GINS4: variants seen among roughly 807,000 people sequenced by gnomAD.
GINS4 encodes the protein GINS complex subunit 4.
GINS4 carries 20 observed loss-of-function variants against 31.1 expected under a neutral mutation model. That is an observed-to-expected ratio of 0.64 (90% CI 0.45 to 0.93). The LOEUF (loss-of-function observed/expected upper bound fraction) is 0.93. GINS4 is among the 40% of genes least tolerant of loss of function. The pLI, the probability that GINS4 is intolerant of heterozygous loss-of-function variation, is 0.00. For synonymous variants in GINS4, 85 were observed against 97.9 expected (o/e 0.87, Z 0.78); for missense variants, 245 against 273.9 (o/e 0.89, Z 0.75).
rs1185996740 is a variant in GINS4 at position 41,537,559 on chromosome 8, A to C, written c.297+266A>C. The C allele has an allele frequency of 5.4e-5, 20 of 372,424 alleles. 1 individual carries two copies. The Admixed American group carries it at 8.5e-4, about 16-fold the overall frequency. The allele number at this position is 372,424 out of a possible 1,614,324, so 23.1% of individuals were successfully genotyped here. On this transcript the variant is annotated intron_variant, in intron 4 of 7. Transcript: ENST00000276533. ...AGTGAGTGGTTCCCCCTTGCGTTAC[A>C]GCATGGCAGTGCTAAAGGGAGAGTT...
At chr8:41,537,522 G>A (rs1806763199) in intron 4 of GINS4, 2 of 447,868 alleles carry the variant, frequency 4.5e-6, no homozygotes, top group African/African-American at 3.9e-5. Flanking sequence ...TTTTTAGTCT[G>A]TTCACCTGCC....
intron 4 of GINS4, among the ~76,000 whole-genome samples, chr8:41,538,951 G>A (rs1472049613): frequency 1.3e-5 from 2 of 151,606 alleles, no homozygotes; most frequent in Admixed American, 1.3e-4. Flanking sequence ...CACCCACCTT[G>A]GCCTCCCAAA....
At position 41,530,240 on chromosome 8, in the gene GINS4, A is replaced by G. The variant is rs1443874276; in HGVS notation, c.38A>G (p.Asp13Gly). Residue 13 changes from aspartate to glycine, a missense_variant, in exon 2 of 8, where the codon GAT becomes GGT. Physicochemically the swap from Asp to Gly is moderately conservative, Grantham distance 94 (BLOSUM62 -1). Coordinates refer to ENST00000276533, the MANE Select transcript of GINS4 (RefSeq NM_032336.3). Reference protein sequence around the residue: ...EEVDFLGQDSDGGSEEVVLTP... With the variant: ...EEVDFLGQDSGGGSEEVVLTP... ...GTGGATTTCCTGGGACAGGACTCTG[A>G]TGGGGGTAGTGAGGAAGTGGTCCTA... The G allele has an allele frequency of 6.2e-7, 1 of 1,614,050 alleles. No individual in the cohort carries two copies. The highest frequency in any genetic ancestry group is 1.7e-5 in the Admixed American group (1 of 60,006).
chr8:41,533,396 G>A (rs1017363077), intron 2 of GINS4, among the ~76,000 whole-genome samples: 1 of 152,208 alleles, frequency 6.6e-6, no homozygotes, highest in African/African-American at 2.4e-5. Context: ...CATCATCGGG[G>A]TCCTTGAAAG....
intron 4 of GINS4, chr8:41,537,561 C>T (rs1002479101): frequency 5.5e-6 from 2 of 366,270 alleles, no homozygotes; most frequent in South Asian, 4.4e-5. Flanking sequence ...TGCGTTACAG[C>T]ATGGCAGTGC....
At chr8:41,534,214 G>A (rs751702643) in intron 2 of GINS4, 2 of 408,174 alleles carry the variant, frequency 4.9e-6, no homozygotes, top group Non-Finnish European at 9.8e-6. Context: ...GACCACTGTA[G>A]GCAACATGGT....
Position 41,537,032 on chromosome 8 carries a change from A to G in GINS4, c.184-148A>G, listed in dbSNP as rs117317279. ...GGTCATTTTCTAAAAGTAAATGACT[A>G]TTGTTTGTACTTTATACAATGATAA... is the stretch of plus-strand genomic sequence containing the variant. On this transcript the variant is annotated intron_variant, in intron 3 of 7. Transcript: ENST00000276533. 1.7e-5 allele frequency: 10 copies of G among 600,772 alleles called. No individual in the cohort carries two copies. The East Asian group carries it at 2.6e-4, about 15-fold the overall frequency. 37.2% of individuals were successfully genotyped at this position (600,772 alleles called of 1,614,324 possible). A position where few individuals can be genotyped will look rare whatever the true frequency, so the allele number is the denominator to read the frequency against.
At position 41,539,698 on chromosome 8, in the gene GINS4, TGTCCTTGAGAAGGAAAAAACAC is replaced by T. The variant is rs1230422962; in HGVS notation, c.324_345del (p.Glu109ArgfsTer26). On this transcript the variant is annotated frameshift_variant, in exon 5 of 8. Transcript: ENST00000276533. LOFTEE classifies it high-confidence loss of function. ...CACAGATAGAGAAGTTTTTCCCTCA[TGTCCTTGAGAAGGAAAAAACAC>T]GTCCTGAGGGGGAGCCTTCCAGCCT... The T allele has an allele frequency of 6.2e-7, 1 of 1,613,430 alleles. No individual in the cohort carries two copies. The highest frequency in any genetic ancestry group is 1.3e-5 in the African/African-American group (1 of 74,910).
intron 2 of GINS4, among the ~76,000 whole-genome samples, chr8:41,533,817 C>T (rs535122723): frequency 3.9e-5 from 6 of 152,278 alleles, no homozygotes; most frequent in African/African-American, 1.4e-4. Context: ...AAAGTGCCAG[C>T]ATAGTTGTCT....
Position 41,541,800 on chromosome 8 carries a change from T to G in GINS4, c.485-9T>G. The stretch of plus-strand genomic sequence containing the variant: ...GGATTTCCTAATCACATTGTTGTTT[T>G]CCTGGCAGTTCCCAAACCAGATCTA... On this transcript the variant is annotated splice_polypyrimidine_tract_variant and intron_variant, in intron 6 of 7. Transcript: ENST00000276533. 6.2e-7 allele frequency: 1 copy of G among 1,611,214 alleles called. No individual in the cohort carries two copies. Among genetic ancestry groups the G allele is most frequent in the South Asian group, 1.1e-5 (1 of 90,910 alleles).
intron 6 of GINS4, among the ~76,000 whole-genome samples, 169 bp from the exon 7 acceptor site, chr8:41,541,640 T>G (rs1806842597): frequency 6.6e-6 from 1 of 152,162 alleles, no homozygotes; most frequent in African/African-American, 2.4e-5. Context: ...GCCCAATGCG[T>G]GTCCGGTTTC....
intron 2 of GINS4, among the ~76,000 whole-genome samples, chr8:41,532,400 A>G (rs1806661763): frequency 6.6e-6 from 1 of 151,074 alleles, no homozygotes; most frequent in Non-Finnish European, 1.5e-5. Context: ...TATGGCAAGA[A>G]TGTAGAGCAG....
chr8:41,540,388 G>T, intron 6 of GINS4: 1 of 254,826 alleles, frequency 3.9e-6, no homozygotes, highest in Non-Finnish European at 7.7e-6. Context: ...TTCGTCACAG[G>T]TCCCAGAATG....
intron 2 of GINS4, among the ~76,000 whole-genome samples, chr8:41,532,417 G>A (rs57062068): frequency 0.013 from 1,894 of 151,136 alleles, 39 homozygotes; most frequent in African/African-American, 0.041. Context: ...GCAGCTGAGC[G>A]CAGTGGCTCA....
At chr8:41,536,740 G>C (rs1174700861) in intron 3 of GINS4, among the ~76,000 whole-genome samples, 4 of 152,204 alleles carry the variant, frequency 2.6e-5, no homozygotes, top group African/African-American at 7.2e-5. Flanking sequence ...GCTCCCCACA[G>C]CCCCTGACTA....
chr8:41,538,791 GC>G (rs994051690), intron 4 of GINS4, among the ~76,000 whole-genome samples: 2 of 151,552 alleles, frequency 1.3e-5, no homozygotes, highest in African/African-American at 4.8e-5. Context: ...TGCAACCTTC[GC>G]CCCCCAGGTT....
At chr8:41,534,972 C>T (rs1288388940) in intron 2 of GINS4, among the ~76,000 whole-genome samples, 1 of 152,062 alleles carries the variant, frequency 6.6e-6, no homozygotes, top group Admixed American at 6.6e-5. Context: ...ATCCGCCTGC[C>T]TCGGCCTCCC....
At chr8:41,530,629 G>A (rs1806635170) in intron 2 of GINS4, among the ~76,000 whole-genome samples, 1 of 152,192 alleles carries the variant, frequency 6.6e-6, no homozygotes, top group Non-Finnish European at 1.5e-5. Context: ...AACATCTGCT[G>A]TTTCCCTGGA....
At chr8:41,536,508 A>C (rs1222447104) in intron 3 of GINS4, 62 bp downstream of exon 3, 1 of 965,232 alleles carries the variant, frequency 1.0e-6, no homozygotes, top group Admixed American at 1.9e-5. Flanking sequence ...TGGTCAGCAC[A>C]CTGAGAGCTT....
Sources: allele counts gnomAD v4.1 joint callset (sites outside exome capture counted in the v4.1 genomes callset), GRCh38; gene constraint gnomAD v4.1.1; transcripts MANE v1.5; gene names NCBI Gene and HGNC (gene_info 2026-07-23, HGNC 2026-07-21).